Variants in C12orf57 observed in about 807,000 individuals in gnomAD.
C12orf57 encodes chromosome 12 open reading frame 57.
Under a neutral mutation model 11.3 loss-of-function variants are expected in C12orf57, and 14 were observed. The ratio of observed to expected loss-of-function variants is 1.24; its 90% CI spans 0.82 to 1.94. C12orf57 has a LOEUF of 1.94. C12orf57 is among the 30% of genes most tolerant of loss of function. The pLI, the probability that C12orf57 is intolerant of heterozygous loss-of-function variation, is 0.00. For missense variants in C12orf57, 229 were observed against 172.4 expected (o/e 1.33, Z -1.84); for synonymous variants, 100 against 74.6 (o/e 1.34, Z -1.76).
At chr12:6,943,957 T>C (rs782555606), upstream of C12orf57, 378 of 1,520,882 alleles carry the variant, frequency 2.5e-4, 1 homozygote, top group Middle Eastern at 3.0e-3. Flanking sequence ...TTGATGCAGT[T>C]GTAAGCTTGG....
At chr12:6,944,276 C>T (rs1945732223) in intron 1 of C12orf57, 103 bp downstream of exon 1, 1 of 1,603,490 alleles carries the variant, frequency 6.2e-7, no homozygotes, top group Non-Finnish European at 8.5e-7. Flanking sequence ...GGGCGACAAA[C>T]CTGGCTACGT....
chr12:6,943,764 A>T (rs1945687950), upstream of C12orf57: 15 of 1,095,692 alleles, frequency 1.4e-5, no homozygotes, highest in Non-Finnish European at 1.5e-5. Context: ...GCTCACCCTC[A>T]TCAATTGTGG....
upstream of C12orf57, chr12:6,943,996 G>T: frequency 6.3e-7 from 1 of 1,589,382 alleles, no homozygotes; most frequent in South Asian, 1.1e-5. Flanking sequence ...ACGCCTGGGC[G>T]CTTCCGGCTG....
In C12orf57 at chr12:6,945,976, G is replaced by T; in HGVS notation, c.*54G>T. 1 of 1,569,140 alleles carries T rather than the reference G, an allele frequency of 6.4e-7. No individual in the cohort carries two copies. The highest frequency in any genetic ancestry group is 1.8e-5 in the Admixed American group (1 of 55,664). ...GGGGAGGAAAGGCCTTGATGTTCCAGACAATAATAAATGCGCCTGTGACTT... is the reference window on the plus strand; with the variant it reads ...GGGGAGGAAAGGCCTTGATGTTCCATACAATAATAAATGCGCCTGTGACTT... On this transcript the variant is annotated 3_prime_UTR_variant, in exon 3 of 3. Transcript: ENST00000229281.
At chr12:6,944,756 C>T in intron 2 of C12orf57, 104 bp downstream of exon 2, 1 of 1,560,262 alleles carries the variant, frequency 6.4e-7, no homozygotes, top group South Asian at 1.2e-5. Context: ...CCTTTCTCGC[C>T]ACACGGCGGC....
chr12:6,944,390 C>T (rs1225113552), intron 1 of C12orf57, 86 bp from the exon 2 acceptor site: 2 of 1,561,932 alleles, frequency 1.3e-6, no homozygotes, highest in Non-Finnish European at 1.7e-6. Context: ...CCTCAATCCA[C>T]TAATTCCTTG....
intron 2 of C12orf57, chr12:6,945,090 C>G: frequency 3.5e-6 from 1 of 289,740 alleles, no homozygotes; most frequent in Non-Finnish European, 6.4e-6. Context: ...TACAGTCTCC[C>G]CCACCCCCCA....
intron 1 of C12orf57, 95 bp from the exon 2 acceptor site, chr12:6,944,381 C>G: frequency 1.3e-6 from 2 of 1,558,492 alleles, no homozygotes; most frequent in Non-Finnish European, 1.7e-6. Context: ...TACCTACAGC[C>G]TCAATCCACT....
chr12:6,943,630 A>G (rs1203107479), upstream of C12orf57: 16 of 1,289,284 alleles, frequency 1.2e-5, no homozygotes, highest in Non-Finnish European at 1.6e-5. Flanking sequence ...GCTGAGAACA[A>G]ATGTTCGCGA....
At chr12:6,944,248 A>G (rs1238322529) in intron 1 of C12orf57, 75 bp downstream of exon 1, 7 of 1,611,512 alleles carry the variant, frequency 4.3e-6, no homozygotes, top group Non-Finnish European at 5.9e-6. Context: ...TCTGGGGAGG[A>G]TGCGGGCGGA....
At chr12:6,943,786 A>C, upstream of C12orf57, 1 of 956,404 alleles carries the variant, frequency 1.0e-6, no homozygotes, top group South Asian at 1.7e-5. Context: ...GTTCCTTTAT[A>C]TCCCATCTTC....
At position 6,945,919 on chromosome 12, in the gene C12orf57, C is replaced by T; in HGVS notation, c.378C>T (p.Ser126=). Reference sequence around the variant, plus strand: ...CTGCTGGTGGCAGCGTGGCCGCCTCCTGAGAGTTGGCCCTCCCTTGTGCCA... The same window carrying T: ...CTGCTGGTGGCAGCGTGGCCGCCTCTTGAGAGTTGGCCCTCCCTTGTGCCA... ...GPAAGGSVAA[S] is the part of the protein sequence containing the mutation. Residue 126 remains serine, a synonymous_variant, in exon 3 of 3, where the codon TCC becomes TCT. Coordinates refer to ENST00000229281, the MANE Select transcript of C12orf57 (RefSeq NM_138425.4). 1.2e-6 allele frequency: 2 copies of T among 1,610,622 alleles called. No individual in the cohort carries two copies. The highest frequency in any genetic ancestry group is 1.1e-5 in the South Asian group (1 of 90,772).
chr12:6,945,391 G>T (rs937420695), intron 2 of C12orf57, among the ~76,000 whole-genome samples: 1 of 152,080 alleles, frequency 6.6e-6, no homozygotes, highest in African/African-American at 2.4e-5. Flanking sequence ...TTAAATTTTT[G>T]GTGAGATCCT....
At chr12:6,943,900 G>T (rs111753967), upstream of C12orf57, 5 of 1,118,642 alleles carry the variant, frequency 4.5e-6, no homozygotes, top group Admixed American at 2.9e-5. Context: ...TGTTGCCAAT[G>T]ATAGATTGTT....
rs1403633804 is a variant in C12orf57, at chr12:6,944,524, T to G, written c.101T>G (p.Val34Gly). 2 of 1,613,784 alleles carry G rather than the reference T, an allele frequency of 1.2e-6. No homozygotes were observed. The highest frequency in any genetic ancestry group is 1.7e-6 in the Non-Finnish European group (2 of 1,180,020). The change falls in exon 2 of 3, where the codon GTG (valine) becomes GGG (glycine). Residue 34 changes from valine to glycine, a missense_variant. Val to Gly is a moderately radical substitution (Grantham distance 109). Transcript: ENST00000229281. ...GCGTTCTCCGCCCCGGAGAATGCAG[T>G]GCGCATGGACGAGGCTCGGGATAAC... The part of the protein sequence containing the change: ...IQAFSAPENA[V>G]RMDEARDNAC...
chr12:6,944,171 A>AG lies in C12orf57; in HGVS notation c.52+1dup, dbSNP rs1565574242. On this transcript the variant is annotated frameshift_variant and splice_region_variant, in exon 1 of 3. Coordinates refer to ENST00000229281, the MANE Select transcript of C12orf57 (RefSeq NM_138425.4). LOFTEE classifies it high-confidence loss of function. ...GCGGCCTTGAGCGCTGAGCAAGCAA[A>AG]GGGTGAGAATCGTCCTAGTCAAGGC... 6.2e-7 allele frequency: 1 copy of AG among 1,614,152 alleles called. No homozygotes were observed.
upstream of C12orf57, chr12:6,943,999 T>A (rs1945710453): frequency 2.5e-6 from 4 of 1,590,890 alleles, no homozygotes; most frequent in South Asian, 3.4e-5. Flanking sequence ...CCTGGGCGCT[T>A]CCGGCTGCGC....
chr12:6,943,474 T>G, upstream of C12orf57: 2 of 1,259,326 alleles, frequency 1.6e-6, no homozygotes, highest in Non-Finnish European at 2.0e-6. Context: ...CCATCGCTCA[T>G]CAATAGACAA....
At chr12:6,944,442 C>G (rs782546453) in intron 1 of C12orf57, 34 bp from the exon 2 acceptor site, 2 of 1,602,180 alleles carry the variant, frequency 1.2e-6, no homozygotes, top group South Asian at 1.1e-5. Flanking sequence ...GACGCCTACC[C>G]GGGACGCCTC....
Sources: allele counts gnomAD v4.1 joint callset (sites outside exome capture counted in the v4.1 genomes callset), GRCh38; gene constraint gnomAD v4.1.1; transcripts MANE v1.5; gene names NCBI Gene and HGNC (gene_info 2026-07-23, HGNC 2026-07-21).